Variants in FRY observed in about 807,000 individuals in gnomAD.
FRY encodes protein furry homolog.
In FRY, 128 loss-of-function variants were observed where a neutral mutation model predicts 348.4. That is an observed-to-expected ratio of 0.37 (90% CI 0.32 to 0.43). FRY has a LOEUF of 0.43. Ranked by LOEUF, FRY falls within the 20% of genes least tolerant of loss-of-function variation. The pLI, the probability that FRY is intolerant of heterozygous loss-of-function variation, is 1.00. For synonymous variants in FRY, 1,370 were observed against 1,374.7 expected, an observed-to-expected ratio of 1.00 and a Z score of 0.08; for missense variants, 2,736 against 3,695.2, an observed-to-expected ratio of 0.74 and a Z score of 6.73.
intron 1 of FRY, among the ~76,000 whole-genome samples, chr13:32,062,950 A>G (rs537048559): frequency 6.6e-6 from 1 of 151,944 alleles, no homozygotes; most frequent in South Asian, 2.1e-4. Context: ...ATTAGTATAT[A>G]CATATGTATG....
intron 7 of FRY, 101 bp downstream of exon 7, chr13:32,124,976 G>A (rs1162728258): frequency 3.8e-5 from 32 of 842,364 alleles, no homozygotes; most frequent in Non-Finnish European, 6.4e-5. Context: ...CAAGGAACTA[G>A]GTAGGGCTCT....
chr13:32,031,996 T>C (rs148086622), intron 1 of FRY, 131 bp downstream of exon 1: 72 of 592,596 alleles, frequency 1.2e-4, no homozygotes, highest in African/African-American at 3.3e-4. Context: ...TTTCTTTTCT[T>C]TTCTCTTTCT....
intron 1 of FRY, among the ~76,000 whole-genome samples, chr13:32,051,730 A>G (rs1416828353): frequency 1.3e-5 from 2 of 152,380 alleles, no homozygotes; most frequent in East Asian, 1.9e-4. Flanking sequence ...TTGAGGACCC[A>G]CTGTGTACAA....
chr13:32,136,746 C>T, intron 10 of FRY, 125 bp from the exon 11 acceptor site: 1 of 752,186 alleles, frequency 1.3e-6, no homozygotes, highest in Non-Finnish European at 2.5e-6. Context: ...TTGTGCTACA[C>T]AGTGTCCTGT....
intron 1 of FRY, among the ~76,000 whole-genome samples, chr13:32,041,283 CTTTTTTTTTTTTTT>C (rs11286980): frequency 7.7e-5 from 5 of 65,008 alleles, no homozygotes; most frequent in South Asian, 7.3e-4. Flanking sequence ...TAATCTTCTG[CTTTTTTTTTTTTTT>C]TTTTTTTTTT....
chr13:32,242,146 T>TA (rs1886542990), intron 46 of FRY, among the ~76,000 whole-genome samples: 1 of 152,238 alleles, frequency 6.6e-6, no homozygotes, highest in Non-Finnish European at 1.5e-5. Flanking sequence ...ATGGTCTTGT[T>TA]ATGTAGATCT....
chr13:32,075,418 G>A (rs960076046), intron 1 of FRY, among the ~76,000 whole-genome samples: 4 of 152,126 alleles, frequency 2.6e-5, no homozygotes, highest in Non-Finnish European at 4.4e-5. Flanking sequence ...TTTGCTACTA[G>A]CATTTCTACC....
In FRY at chr13:32,261,704, G is replaced by A. The variant is rs1216460649; in HGVS notation, c.7505G>A (p.Arg2502His). Residue 2502 changes from arginine to histidine, a missense_variant, in exon 52 of 61, where the codon CGC becomes CAC. Physicochemically the swap from Arg to His is conservative, Grantham distance 29 (BLOSUM62 0). Around this residue, in one of 9 missense-constraint regions of FRY, gnomAD observed 789 missense variants for 996.2 expected, o/e 0.79. Coordinates refer to ENST00000542859, the MANE Select transcript of FRY (RefSeq NM_023037.3). ...DKCDMQILEERQLSGSTPSLN... is the reference protein window; with the variant it reads ...DKCDMQILEEHQLSGSTPSLN... ...TGTGATATGCAGATTCTGGAGGAGCGCCAACTGTCAGGAAGCACTCCTAGC... is the reference window on the plus strand; with the variant it reads ...TGTGATATGCAGATTCTGGAGGAGCACCAACTGTCAGGAAGCACTCCTAGC... The A allele has an allele frequency of 1.4e-5, 22 of 1,613,926 alleles. No individual in the cohort carries two copies. Among genetic ancestry groups the A allele is most frequent in the Middle Eastern group, 1.6e-4 (1 of 6,082 alleles).
intron 34 of FRY, among the ~76,000 whole-genome samples, chr13:32,211,999 T>C (rs1259607989): frequency 1.3e-5 from 2 of 152,240 alleles, no homozygotes; most frequent in Non-Finnish European, 2.9e-5. Context: ...GGCCAGCCAC[T>C]ATAAATAAGC....
At chr13:32,070,884 TTG>T (rs1874610032) in intron 1 of FRY, among the ~76,000 whole-genome samples, 5 of 152,232 alleles carry the variant, frequency 3.3e-5, no homozygotes, top group Admixed American at 1.3e-4. Context: ...GAATTAATTT[TTG>T]TGTAAGGTGT....
chr13:32,050,044 C>A (rs1008014991), intron 1 of FRY, among the ~76,000 whole-genome samples: 2 of 152,150 alleles, frequency 1.3e-5, no homozygotes, highest in Admixed American at 6.5e-5. Flanking sequence ...TCCAAATTAA[C>A]ACAGTGGTGT....
chr13:32,201,921 T>G lies in FRY; in HGVS notation c.3747-20T>G. The G allele has an allele frequency of 7.5e-7, 1 of 1,340,372 alleles. No homozygotes were observed. The highest frequency in any genetic ancestry group is 1.4e-5 in the African/African-American group (1 of 69,872). The allele number at this position is 1,340,372 out of a possible 1,614,324, so 83.0% of individuals were successfully genotyped here. On this transcript the variant is annotated intron_variant, in intron 29 of 60. Coordinates refer to ENST00000542859, the MANE Select transcript of FRY (RefSeq NM_023037.3). ...TCTTATAAACCATGCTTTTTTTGTT[T>G]TGTTCTGTTGTGTTTTTAGGAACTA...
chr13:32,114,951 T>C (rs1369637398), intron 3 of FRY, among the ~76,000 whole-genome samples: 1 of 152,228 alleles, frequency 6.6e-6, no homozygotes, highest in African/African-American at 2.4e-5. Flanking sequence ...GGTGACTCTT[T>C]AAATAATTAG....
At chr13:32,171,291 A>G (rs1408628616) in intron 18 of FRY, 21 bp downstream of exon 18, 2 of 1,169,692 alleles carry the variant, frequency 1.7e-6, no homozygotes, top group Admixed American at 3.9e-5. Flanking sequence ...CACCTTACCC[A>G]TGAATTTATA....
chr13:32,171,401 T>G (rs533731227), intron 18 of FRY, 131 bp downstream of exon 18: 1 of 722,176 alleles, frequency 1.4e-6, no homozygotes, highest in African/African-American at 2.0e-5. Flanking sequence ...AACCTCCACC[T>G]CCTGGTTCAA....
chr13:32,071,375 C>G (rs1874648193), intron 1 of FRY, among the ~76,000 whole-genome samples: 1 of 151,994 alleles, frequency 6.6e-6, no homozygotes, highest in South Asian at 2.1e-4. Context: ...TGTTTGTGTC[C>G]TCTTTTATTT....
chr13:32,124,130 G>A (rs1282428612), intron 4 of FRY, among the ~76,000 whole-genome samples, 156 bp from the exon 5 acceptor site: 2 of 152,102 alleles, frequency 1.3e-5, no homozygotes, highest in Non-Finnish European at 2.9e-5. Flanking sequence ...GAGCCACTCC[G>A]CCCGGCCAAC....
At chr13:32,083,302 C>T (rs972386392) in intron 2 of FRY, among the ~76,000 whole-genome samples, 3 of 152,104 alleles carry the variant, frequency 2.0e-5, no homozygotes, top group African/African-American at 7.2e-5. Flanking sequence ...TGAAAGTCTA[C>T]TTAGGCTTCT....
chr13:32,037,517 A>T (rs182329530), intron 1 of FRY, among the ~76,000 whole-genome samples: 25 of 152,320 alleles, frequency 1.6e-4, no homozygotes, highest in Admixed American at 6.5e-4. Flanking sequence ...CATGTACAGG[A>T]CTGGCAGCAC....
Sources: gnomAD v4.1 joint callset for allele counts (sites outside exome capture counted in the v4.1 genomes callset) on GRCh38, gnomAD v4.1.1 for gene constraint, gnomAD v4.1.1 regional missense constraint, MANE v1.5 for transcripts, NCBI Gene and HGNC (gene_info 2026-07-23, HGNC 2026-07-21) for gene names.